The following JAZF1 variants were observed in gnomAD, a reference collection of about 807,000 sequenced individuals.
JAZF1 encodes juxtaposed with another zinc finger protein 1.
In JAZF1, 8 loss-of-function variants were observed where a neutral mutation model predicts 26.4. The observed-to-expected ratio is 0.30, with a 90% CI of 0.18 to 0.55. The LOEUF is 0.55. Among genes scored for constraint, JAZF1 ranks in the 20% least tolerant of loss-of-function variants. The pLI, the probability that JAZF1 is intolerant of heterozygous loss-of-function variation, is 0.94. For missense variants in JAZF1, 199 were observed against 322.0 expected (o/e 0.62, Z 2.92); for synonymous variants, 126 against 122.3 (o/e 1.03, Z -0.20).
At chr7:28,056,435 T>TACAC (rs3073772) in intron 1 of JAZF1, among the ~76,000 whole-genome samples, 2,169 of 98,164 alleles carry the variant, frequency 0.022, 36 homozygotes, top group Middle Eastern at 0.055. Context: ...TTTCAACAAC[T>TACAC]ACACACACAC....
At chr7:28,150,522 A>C (rs1194037362) in intron 1 of JAZF1, among the ~76,000 whole-genome samples, 1 of 152,258 alleles carries the variant, frequency 6.6e-6, no homozygotes, top group African/African-American at 2.4e-5. Flanking sequence ...AACTTGAAGA[A>C]ACAGTCATGA....
At chr7:28,102,402 G>C (rs957608948) in intron 1 of JAZF1, among the ~76,000 whole-genome samples, 3 of 152,162 alleles carry the variant, frequency 2.0e-5, no homozygotes, top group African/African-American at 2.4e-5. Flanking sequence ...GAATAGAAAC[G>C]ATTCCCATAA....
At chr7:28,120,501 CTTTTTTTTTTTT>C (rs58448766) in intron 1 of JAZF1, among the ~76,000 whole-genome samples, 3 of 59,016 alleles carry the variant, frequency 5.1e-5, no homozygotes, top group African/African-American at 1.4e-4. Context: ...ACACACAGTT[CTTTTTTTTTTTT>C]TTTTTTTTTT....
chr7:28,129,809 G>A (rs1045928357), intron 1 of JAZF1, among the ~76,000 whole-genome samples: 3 of 152,102 alleles, frequency 2.0e-5, no homozygotes, highest in African/African-American at 7.2e-5. Context: ...AGATAAGTTG[G>A]TACATTACAT....
intron 1 of JAZF1, among the ~76,000 whole-genome samples, chr7:28,088,538 T>C (rs1401128071): frequency 1.3e-5 from 2 of 152,206 alleles, no homozygotes; most frequent in African/African-American, 4.8e-5. Flanking sequence ...ATTTTAATAA[T>C]AGTGCTTCCT....
At chr7:27,849,782 C>CACACACACACACACACACA (rs1554329094) in intron 3 of JAZF1, among the ~76,000 whole-genome samples, 2 of 151,142 alleles carry the variant, frequency 1.3e-5, no homozygotes, top group African/African-American at 2.5e-5. Flanking sequence ...CACCCCTACA[C>CACACACACACACACACACA]CTCTTCCCGG....
intron 1 of JAZF1, among the ~76,000 whole-genome samples, chr7:28,055,311 T>C (rs1370447598): frequency 6.6e-6 from 1 of 152,140 alleles, no homozygotes; most frequent in Non-Finnish European, 1.5e-5. Flanking sequence ...AAATCCCTGA[T>C]GGCTCTCCAC....
chr7:28,074,601 T>G (rs1784024236), intron 1 of JAZF1, among the ~76,000 whole-genome samples: 1 of 152,190 alleles, frequency 6.6e-6, no homozygotes, highest in South Asian at 2.1e-4. Flanking sequence ...AATAAATATG[T>G]TAGAAGAAAT....
At chr7:27,989,947 G>A (rs1428921979) in intron 2 of JAZF1, among the ~76,000 whole-genome samples, 11 of 151,984 alleles carry the variant, frequency 7.2e-5, no homozygotes, top group African/African-American at 2.2e-4. Context: ...TATACCCAAA[G>A]GTTTATAAAT....
intron 1 of JAZF1, among the ~76,000 whole-genome samples, chr7:28,098,667 T>C (rs1784422170): frequency 6.6e-6 from 1 of 152,186 alleles, no homozygotes; most frequent in Admixed American, 6.5e-5. Flanking sequence ...TGTGTCCCAC[T>C]GAGGAGAAAT....
Position 27,899,517 on chromosome 7 carries a change from A to C in JAZF1, c.189-4101T>G, listed in dbSNP as rs533795111. Among the ~76,000 whole-genome samples the C allele has an allele frequency of 3.3e-5, 5 of 152,190 alleles. No individual in the cohort carries two copies. In the East Asian group the frequency reaches 9.7e-4, roughly 29 times the overall value. ...TGGTGTGATTACAGTGCACCGAAGC[A>C]CCAACCTCCTGGGCTCAAGCAATCT... On this transcript the variant is annotated intron_variant, in intron 2 of 4. Transcript: ENST00000283928.
At chr7:27,949,391 G>A (rs1424885300) in intron 2 of JAZF1, among the ~76,000 whole-genome samples, 1 of 152,170 alleles carries the variant, frequency 6.6e-6, no homozygotes, top group East Asian at 1.9e-4. Flanking sequence ...CACACTGTCA[G>A]CCTTTAGAGT....
Position 28,077,934 on chromosome 7 carries a change from T to C in JAZF1, c.116-85953A>G, listed in dbSNP as rs187725976. Among the ~76,000 whole-genome samples, 101 of 152,302 alleles carry C rather than the reference T, an allele frequency of 6.6e-4. 1 individual carries two copies. Among genetic ancestry groups the C allele is most frequent in the African/African-American group, 2.4e-3 (101 of 41,556 alleles). On this transcript the variant is annotated intron_variant, in intron 1 of 4. Transcript: ENST00000283928. ...CTTTGACCTCTTTCTCCTCCCCATC[T>C]ACTATTTAAGACCCACTATGTAATC...
At chr7:28,124,188 G>C (rs1186499879) in intron 1 of JAZF1, among the ~76,000 whole-genome samples, 1 of 152,148 alleles carries the variant, frequency 6.6e-6, no homozygotes, top group Non-Finnish European at 1.5e-5. Flanking sequence ...AGGAGAGCAG[G>C]ACACACAGAG....
At chr7:28,166,071 T>C (rs1783363125) in intron 1 of JAZF1, among the ~76,000 whole-genome samples, 1 of 151,722 alleles carries the variant, frequency 6.6e-6, no homozygotes, top group South Asian at 2.1e-4. Context: ...ATAGAACCCA[T>C]GAGAAGGGAG....
chr7:28,026,744 C>T (rs191084781), intron 1 of JAZF1, among the ~76,000 whole-genome samples: 5 of 152,282 alleles, frequency 3.3e-5, no homozygotes, highest in South Asian at 2.1e-4. Context: ...ATTTACTAAA[C>T]GTTCTCTCAA....
chr7:27,909,583 T>C (rs1784325857), intron 2 of JAZF1, among the ~76,000 whole-genome samples: 1 of 152,306 alleles, frequency 6.6e-6, no homozygotes, highest in African/African-American at 2.4e-5. Context: ...GGCACATGCC[T>C]GTAATCCCAG....
intron 3 of JAZF1, among the ~76,000 whole-genome samples, chr7:27,855,948 G>A (rs938912878): frequency 2.0e-5 from 3 of 152,140 alleles, no homozygotes; most frequent in Non-Finnish European, 2.9e-5. Flanking sequence ...GTTGAACATC[G>A]ATGCCAAAAT....
chr7:28,003,826 T>C (rs1039691387), intron 1 of JAZF1, among the ~76,000 whole-genome samples: 7 of 152,058 alleles, frequency 4.6e-5, no homozygotes, highest in Non-Finnish European at 1.5e-5. Context: ...TTCCCTTGAC[T>C]CAAATATAAA....
Sources: gnomAD v4.1 joint callset for allele counts (sites outside exome capture counted in the v4.1 genomes callset) on GRCh38, gnomAD v4.1.1 for gene constraint, MANE v1.5 for transcripts, NCBI Gene and HGNC (gene_info 2026-07-23, HGNC 2026-07-21) for gene names.